Variants in GRK5 observed in about 807,000 individuals in gnomAD.
The protein encoded by GRK5 is G protein-coupled receptor kinase 5, also known as g protein-coupled receptor kinase GRK5.
In GRK5, 40 loss-of-function variants were observed where a neutral mutation model predicts 78.4. The ratio of observed to expected loss-of-function variants is 0.51; its 90% CI spans 0.40 to 0.66. GRK5 has a LOEUF of 0.66. GRK5 is among the 30% of genes least tolerant of loss of function. The pLI, the probability that GRK5 is intolerant of heterozygous loss-of-function variation, is 0.00. For synonymous variants in GRK5, 289 were observed against 296.8 expected, an observed-to-expected ratio of 0.97 and a Z score of 0.27; for missense variants, 598 against 759.9, an observed-to-expected ratio of 0.79 and a Z score of 2.50.
At chr10:119,394,370 G>T (rs1412356821) in intron 3 of GRK5, among the ~76,000 whole-genome samples, 2 of 93,936 alleles carry the variant, frequency 2.1e-5, no homozygotes, top group South Asian at 6.6e-4. Flanking sequence ...GGGTGTGTGT[G>T]GGTGTCGGTG....
At chr10:119,226,836 A>G (rs1417343805) in intron 1 of GRK5, among the ~76,000 whole-genome samples, 1 of 151,252 alleles carries the variant, frequency 6.6e-6, no homozygotes, top group Non-Finnish European at 1.5e-5. Flanking sequence ...TGCTGGGATT[A>G]CAGGTATGAA....
chr10:119,411,772 G>T (rs139978751), intron 4 of GRK5, among the ~76,000 whole-genome samples: 9 of 149,158 alleles, frequency 6.0e-5, no homozygotes, highest in African/African-American at 2.0e-4. Context: ...GGACTACTCC[G>T]TCTCAATTAA....
At chr10:119,365,073 C>T (rs990842812) in intron 2 of GRK5, among the ~76,000 whole-genome samples, 6 of 152,272 alleles carry the variant, frequency 3.9e-5, no homozygotes, top group East Asian at 3.9e-4. Context: ...AGCATTAACA[C>T]GGAGCAGCAG....
intron 1 of GRK5, among the ~76,000 whole-genome samples, chr10:119,319,795 A>G (rs1017847525): frequency 4.6e-5 from 7 of 152,194 alleles, no homozygotes; most frequent in South Asian, 4.1e-4. Context: ...CAGCTTTCTC[A>G]TCTGTGAATA....
intron 2 of GRK5, among the ~76,000 whole-genome samples, chr10:119,366,159 A>T (rs1851445934): frequency 1.3e-5 from 2 of 152,158 alleles, no homozygotes; most frequent in South Asian, 4.1e-4. Flanking sequence ...CACCCTATTA[A>T]AGCCAAGCAT....
At chr10:119,375,346 C>T (rs1305817250) in intron 2 of GRK5, among the ~76,000 whole-genome samples, 1 of 152,152 alleles carries the variant, frequency 6.6e-6, no homozygotes, top group African/African-American at 2.4e-5. Context: ...TTTCCCTCTT[C>T]TTCACCTGGA....
intron 2 of GRK5, among the ~76,000 whole-genome samples, chr10:119,347,216 G>T (rs865976957): frequency 2.0e-5 from 3 of 152,144 alleles, no homozygotes; most frequent in African/African-American, 7.2e-5. Flanking sequence ...AGTATTTCAT[G>T]TATGTGTGTG....
At chr10:119,254,869 A>G (rs987303768) in intron 1 of GRK5, among the ~76,000 whole-genome samples, 2 of 152,104 alleles carry the variant, frequency 1.3e-5, no homozygotes, top group East Asian at 1.9e-4. Flanking sequence ...AGCCTGGCCA[A>G]TGTGGTGAAA....
intron 1 of GRK5, among the ~76,000 whole-genome samples, chr10:119,292,603 A>G (rs1850002088): frequency 2.0e-5 from 3 of 152,338 alleles, no homozygotes; most frequent in South Asian, 2.1e-4. Context: ...AGGCTCTCCA[A>G]TCATAGTTTT....
chr10:119,272,735 C>T (rs1222639810), intron 1 of GRK5, among the ~76,000 whole-genome samples: 1 of 152,140 alleles, frequency 6.6e-6, no homozygotes, highest in African/African-American at 2.4e-5. Context: ...TTTGCCCTGA[C>T]CCATGAGCTG....
chr10:119,309,360 T>A (rs1436695175), intron 1 of GRK5, among the ~76,000 whole-genome samples: 4 of 152,118 alleles, frequency 2.6e-5, no homozygotes, highest in African/African-American at 9.7e-5. Flanking sequence ...GGAAGAACTC[T>A]GGGGGAGGCA....
At chr10:119,440,140 A>G (rs1853003623) in intron 10 of GRK5, among the ~76,000 whole-genome samples, 1 of 152,176 alleles carries the variant, frequency 6.6e-6, no homozygotes, top group Admixed American at 6.5e-5. Flanking sequence ...TCTTGTTTGT[A>G]AAATGGAAAC....
rs749316936 is a variant in GRK5 at position 119,253,982 on chromosome 10, G to A, written c.52+46013G>A. Among the ~76,000 whole-genome samples the A allele has an allele frequency of 1.3e-5, 2 of 152,168 alleles. No homozygotes were observed. The highest frequency in any genetic ancestry group is 2.9e-5 in the Non-Finnish European group (2 of 68,030). Reference sequence around the variant, plus strand: ...GGAAAAGGAGAAAGTACAGAAAGCCGTGACACCTGATGGAAAATATTACGC... The same window carrying A: ...GGAAAAGGAGAAAGTACAGAAAGCCATGACACCTGATGGAAAATATTACGC... On this transcript the variant is annotated intron_variant, in intron 1 of 15. Coordinates refer to ENST00000392870, the MANE Select transcript of GRK5 (RefSeq NM_005308.3). This position sits in a 1 kb window ranked among gnomAD's most constrained non-coding sequence, Gnocchi z 5.7.
rs894484927 is a variant in GRK5 at position 119,452,874 on chromosome 10, G to A, written c.1542+66G>A. On this transcript the variant is annotated intron_variant, in intron 14 of 15. Coordinates refer to ENST00000392870, the MANE Select transcript of GRK5 (RefSeq NM_005308.3). This position sits in a 1 kb window ranked among gnomAD's most constrained non-coding sequence, Gnocchi z 4.4. Reference sequence around the variant, plus strand: ...GAGGGACTGACGGGTGGAAGGAGGCGTCGGGAATATGAGTTTGGCGGCAGG... The same window carrying A: ...GAGGGACTGACGGGTGGAAGGAGGCATCGGGAATATGAGTTTGGCGGCAGG... The A allele has an allele frequency of 4.2e-5, 63 of 1,494,672 alleles. No individual in the cohort carries two copies. The highest frequency in any genetic ancestry group is 1.7e-4 in the Middle Eastern group (1 of 5,740). The allele number at this position is 1,494,672 out of a possible 1,614,324, so 92.6% of individuals were successfully genotyped here.
chr10:119,263,574 A>G (rs1849445594), intron 1 of GRK5, among the ~76,000 whole-genome samples: 1 of 152,052 alleles, frequency 6.6e-6, no homozygotes, highest in Non-Finnish European at 1.5e-5. Context: ...TCTCTTTTCA[A>G]TCATGTTCTC....
rs538955151 is a variant in GRK5, at chr10:119,440,757, A to G, written c.967+989A>G. Among the ~76,000 whole-genome samples, 4 of 152,052 alleles carry G rather than the reference A, an allele frequency of 2.6e-5. No homozygotes were observed. In the East Asian group the frequency reaches 7.8e-4, roughly 29 times the overall value. ...GTAGAAATGGGGTTTTGCCATGTTG[A>G]CCAGGCTGGTCTCAGACTCCTGACC... is the stretch of plus-strand genomic sequence containing the variant. On this transcript the variant is annotated intron_variant, in intron 10 of 15. Coordinates refer to ENST00000392870, the MANE Select transcript of GRK5 (RefSeq NM_005308.3).
chr10:119,315,210 C>T (rs1018804893), intron 1 of GRK5, among the ~76,000 whole-genome samples: 1 of 152,170 alleles, frequency 6.6e-6, no homozygotes, highest in African/African-American at 2.4e-5. Flanking sequence ...CCAAGTGCAT[C>T]GGGTTGGAGA....
intron 1 of GRK5, 41 bp from the exon 2 acceptor site, chr10:119,326,475 T>C (rs1850681175): frequency 6.5e-7 from 1 of 1,541,798 alleles, no homozygotes. Flanking sequence ...CGCCGCAGGC[T>C]CTGGAGCCTC....
chr10:119,239,403 T>C (rs1848984390), intron 1 of GRK5, among the ~76,000 whole-genome samples: 1 of 152,038 alleles, frequency 6.6e-6, no homozygotes, highest in South Asian at 2.1e-4. Flanking sequence ...CTTGACTAAA[T>C]TTTTTGTATT....
Sources: allele counts gnomAD v4.1 joint callset (sites outside exome capture counted in the v4.1 genomes callset), GRCh38; gene constraint gnomAD v4.1.1; non-coding constraint Gnocchi (gnomAD v3.1); transcripts MANE v1.5; gene names NCBI Gene and HGNC (gene_info 2026-07-23, HGNC 2026-07-21).